FAM78B: variants seen among roughly 807,000 people sequenced by gnomAD.
FAM78B encodes the protein protein FAM78B.
In FAM78B, 10 loss-of-function variants were observed where a neutral mutation model predicts 20.0. That is an observed-to-expected ratio of 0.50 (90% confidence interval 0.31 to 0.85). The LOEUF (loss-of-function observed/expected upper bound fraction) is 0.85, where lower values mean the gene tolerates loss of function less well. Ranked by LOEUF, FAM78B falls within the 40% of genes least tolerant of loss-of-function variation. FAM78B has a pLI of 0.05. For missense variants in FAM78B, 283 were observed against 345.0 expected, an observed-to-expected ratio of 0.82 and a Z score of 1.42; for synonymous variants, 135 against 132.8, an observed-to-expected ratio of 1.02 and a Z score of -0.12.
chr1:166,085,980 C>G (rs1652812796), intron 1 of FAM78B, among the ~76,000 whole-genome samples: 1 of 152,004 alleles, frequency 6.6e-6, no homozygotes, highest in Non-Finnish European at 1.5e-5. Context: ...AATACTGCTA[C>G]TACAGGTAAG....
Position 166,060,301 on chromosome 1 carries a change from C to T in FAM78B, c.*772G>A, listed in dbSNP as rs1247738716. Reference sequence around the variant, plus strand: ...TTAAAGTCCAGGCTGACCAGCTCTTCATCCCTAGGAGGCTTCACTTTGAGG... The same window carrying T: ...TTAAAGTCCAGGCTGACCAGCTCTTTATCCCTAGGAGGCTTCACTTTGAGG... On this transcript the variant is annotated 3_prime_UTR_variant and NMD_transcript_variant, in exon 3 of 3. Coordinates refer to the FAM78B transcript ENST00000435676. 9 of 278,988 alleles carry T rather than the reference C, an allele frequency of 3.2e-5. No homozygotes were observed. In the Admixed American group the frequency reaches 4.5e-4, roughly 14 times the overall value. The allele number at this position is 278,988 out of a possible 1,614,324, so 17.3% of individuals were successfully genotyped here. A position where few individuals can be genotyped will look rare whatever the true frequency, so the allele number is the denominator to read the frequency against.
intron 1 of FAM78B, among the ~76,000 whole-genome samples, chr1:166,107,921 A>C (rs769555496): frequency 1.2e-4 from 18 of 152,212 alleles, no homozygotes; most frequent in Non-Finnish European, 2.2e-4. Context: ...GCTGCAGAAA[A>C]AGCATTTGAC....
intron 1 of FAM78B, among the ~76,000 whole-genome samples, chr1:166,115,732 C>T (rs1654229393): frequency 6.6e-6 from 1 of 152,166 alleles, no homozygotes; most frequent in African/African-American, 2.4e-5. Context: ...CAAGAAAGGG[C>T]TTCCAGAGGA....
exon 3 of FAM78B, chr1:166,060,607 T>C: frequency 7.8e-7 from 1 of 1,289,138 alleles, no homozygotes; most frequent in Non-Finnish European, 1.0e-6. Context: ...ACTTCCTCCT[T>C]CTCAGTCTCT....
intron 2 of FAM78B, chr1:166,060,781 A>G: frequency 2.0e-6 from 1 of 509,522 alleles, no homozygotes; most frequent in Non-Finnish European, 3.0e-6. Context: ...TTTCAAGGGG[A>G]GATGACCCTG....
downstream of FAM78B, among the ~76,000 whole-genome samples, chr1:166,068,032 T>G (rs1439454796): frequency 6.6e-6 from 1 of 152,232 alleles, no homozygotes; most frequent in African/African-American, 2.4e-5. Context: ...CTAGGGGAAT[T>G]TGCAAACATA....
At chr1:166,133,837 A>T (rs931875741) in intron 1 of FAM78B, among the ~76,000 whole-genome samples, 2 of 152,118 alleles carry the variant, frequency 1.3e-5, no homozygotes, top group Non-Finnish European at 2.9e-5. Flanking sequence ...TGGAACTCCC[A>T]TCTCCTTTCT....
At chr1:166,109,164 C>A (rs1405157732) in intron 1 of FAM78B, among the ~76,000 whole-genome samples, 2 of 152,036 alleles carry the variant, frequency 1.3e-5, no homozygotes, top group Non-Finnish European at 2.9e-5. Context: ...TAGTTGAGAC[C>A]TAATTAAACT....
intron 1 of FAM78B, among the ~76,000 whole-genome samples, chr1:166,079,855 G>T (rs954093976): frequency 1.3e-5 from 2 of 152,198 alleles, no homozygotes; most frequent in African/African-American, 4.8e-5. Flanking sequence ...GTTTGTTAGG[G>T]ATGGGCAGAG....
intron 1 of FAM78B, among the ~76,000 whole-genome samples, chr1:166,139,788 A>G (rs780985801): frequency 2.6e-5 from 4 of 152,216 alleles, no homozygotes; most frequent in Non-Finnish European, 5.9e-5. Context: ...GCTGCCCCAG[A>G]AACAGCACAG....
chr1:166,080,281 C>T (rs767804371), intron 1 of FAM78B, among the ~76,000 whole-genome samples: 3 of 152,178 alleles, frequency 2.0e-5, no homozygotes, highest in African/African-American at 7.2e-5. Flanking sequence ...AATTGCTAAA[C>T]GACCCCTCTC....
chr1:166,094,003 C>CTGTGTGTGTGTGTG (rs58213930), intron 1 of FAM78B, among the ~76,000 whole-genome samples: 1,674 of 125,302 alleles, frequency 0.013, 21 homozygotes, highest in South Asian at 0.021. Context: ...TTGCGAATGA[C>CTGTGTGTGTGTGTG]TGTGTGTGTG....
At chr1:166,123,976 G>C (rs1390334350) in intron 1 of FAM78B, among the ~76,000 whole-genome samples, 7 of 152,252 alleles carry the variant, frequency 4.6e-5, no homozygotes, top group Admixed American at 1.3e-4. Flanking sequence ...AAAGTGGGAA[G>C]AGGAGTGGGA....
intron 1 of FAM78B, among the ~76,000 whole-genome samples, chr1:166,155,362 G>A (rs1451599): frequency 0.94 from 143,462 of 152,262 alleles, 68,138 homozygotes; most frequent in East Asian, 1. Flanking sequence ...CATGTTATCC[G>A]ACCGCTGTAG....
At chr1:166,077,886 TAA>T (rs1207429645) in intron 1 of FAM78B, among the ~76,000 whole-genome samples, 25 of 1,704 alleles carry the variant, frequency 0.015, 1 homozygote, top group East Asian at 0.05. Flanking sequence ...ATATATATAA[TAA>T]ATATATATAA....
At chr1:166,107,593 T>C (rs1191142877) in intron 1 of FAM78B, among the ~76,000 whole-genome samples, 1 of 152,150 alleles carries the variant, frequency 6.6e-6, no homozygotes, top group Non-Finnish European at 1.5e-5. Context: ...ACCAGTCCTT[T>C]TGATACTATT....
intron 1 of FAM78B, among the ~76,000 whole-genome samples, chr1:166,162,451 AAG>A (rs1331513985): frequency 9.9e-5 from 15 of 152,208 alleles, no homozygotes; most frequent in Non-Finnish European, 1.6e-4. Context: ...AGAAGACTCA[AAG>A]AGAATGAGAA....
At chr1:166,138,717 A>C (rs1046367342) in intron 1 of FAM78B, among the ~76,000 whole-genome samples, 2 of 152,228 alleles carry the variant, frequency 1.3e-5, no homozygotes, top group Admixed American at 6.5e-5. Flanking sequence ...AGGGTCCAAG[A>C]AGCTCCTCTC....
intron 1 of FAM78B, among the ~76,000 whole-genome samples, chr1:166,077,480 C>T (rs1652319400): frequency 6.6e-6 from 1 of 151,326 alleles, no homozygotes; most frequent in Non-Finnish European, 1.5e-5. Flanking sequence ...GATCTCCCTA[C>T]ATCTCAGAAC....
Sources: allele counts gnomAD v4.1 joint callset (sites outside exome capture counted in the v4.1 genomes callset), GRCh38; gene constraint gnomAD v4.1.1; transcripts MANE v1.5; gene names NCBI Gene and HGNC (gene_info 2026-07-23, HGNC 2026-07-21).